PTBP3: variants seen among roughly 807,000 people sequenced by gnomAD.
PTBP3 encodes the protein polypyrimidine tract binding protein 3.
Under a neutral mutation model 58.7 loss-of-function variants are expected in PTBP3, and 20 were observed. That is an observed-to-expected ratio of 0.34 (90% CI 0.24 to 0.50). The LOEUF (loss-of-function observed/expected upper bound fraction) is 0.50, where lower values mean the gene tolerates loss of function less well. Ranked by LOEUF, PTBP3 falls within the 20% of genes least tolerant of loss-of-function variation. The pLI, the probability that PTBP3 is intolerant of heterozygous loss-of-function variation, is 0.98. For missense variants in PTBP3, 509 were observed against 637.2 expected (o/e 0.80, Z 2.17); for synonymous variants, 185 against 219.8 (o/e 0.84, Z 1.40).
At chr9:112,288,044 T>C (rs1206001840) in intron 2 of PTBP3, among the ~76,000 whole-genome samples, 1 of 152,244 alleles carries the variant, frequency 6.6e-6, no homozygotes, top group African/African-American at 2.4e-5. Flanking sequence ...TTTAAAGTGT[T>C]AGACTTCATT....
chr9:112,276,557 A>C (rs1827619226), intron 2 of PTBP3, among the ~76,000 whole-genome samples: 1 of 151,996 alleles, frequency 6.6e-6, no homozygotes, highest in African/African-American at 2.4e-5. Context: ...TTCCTATGAT[A>C]ATCTTATTCC....
the PTBP3 span, among the ~76,000 whole-genome samples, chr9:112,363,913 T>C: frequency 1.3e-5 from 2 of 152,190 alleles, no homozygotes; most frequent in Non-Finnish European, 2.9e-5. Context: ...TTTTGACAAA[T>C]ATATAATGAC....
At chr9:112,311,908 C>T (rs1335580098) in intron 1 of PTBP3, among the ~76,000 whole-genome samples, 1 of 152,110 alleles carries the variant, frequency 6.6e-6, no homozygotes, top group East Asian at 1.9e-4. Flanking sequence ...AGGATCGTGC[C>T]TGTGAGTAGC....
intron 4 of PTBP3, among the ~76,000 whole-genome samples, chr9:112,265,979 G>A (rs1836784234): frequency 6.6e-6 from 1 of 152,130 alleles, no homozygotes; most frequent in African/African-American, 2.4e-5. Flanking sequence ...TGGTGTACTA[G>A]ATCTTTCTGA....
chr9:112,376,554 TTAAG>T, the PTBP3 span, among the ~76,000 whole-genome samples: 1 of 151,952 alleles, frequency 6.6e-6, no homozygotes, highest in East Asian at 1.9e-4. Flanking sequence ...GCCCAGCCTA[TTAAG>T]TATTAACTCA....
chr9:112,378,141 C>G, the PTBP3 span, among the ~76,000 whole-genome samples: 2 of 152,168 alleles, frequency 1.3e-5, no homozygotes, highest in East Asian at 3.8e-4. Context: ...TAGCATTAAT[C>G]TAACACTAGG....
the PTBP3 span, among the ~76,000 whole-genome samples, chr9:112,352,279 T>C: frequency 2.3e-3 from 354 of 152,270 alleles, 2 homozygotes; most frequent in African/African-American, 8.2e-3. Context: ...GGAGTTCTCA[T>C]TGTTACTGGA....
intron 11 of PTBP3, 29 bp downstream of exon 11, chr9:112,228,347 ACATT>A (rs1433933522): frequency 1.4e-6 from 2 of 1,474,728 alleles, no homozygotes; most frequent in Non-Finnish European, 1.8e-6. Context: ...GGGCAAGTTC[ACATT>A]ATTATTAATA....
the PTBP3 span, among the ~76,000 whole-genome samples, chr9:112,367,341 T>C: frequency 2.0e-5 from 3 of 152,236 alleles, no homozygotes; most frequent in African/African-American, 7.2e-5. Context: ...TGTTAGCTAT[T>C]ATTCTTTTGT....
Position 112,220,573 on chromosome 9 carries a change from T to C in PTBP3, c.*3278A>G. On this transcript the variant is annotated 3_prime_UTR_variant, in exon 14 of 14. Transcript: ENST00000374257. ...AACTTTTAACAGTAAATCAGAAACA[T>C]TACTTCAAATAATTGATTTCAATAT... 1.0e-6 allele frequency: 1 copy of C among 1,003,732 alleles called. No homozygotes were observed. The highest frequency in any genetic ancestry group is 1.2e-6 in the Non-Finnish European group (1 of 840,626). 62.2% of individuals were successfully genotyped at this position (1,003,732 alleles called of 1,614,324 possible). A position where few individuals can be genotyped will look rare whatever the true frequency, so the allele number is the denominator to read the frequency against.
At chr9:112,311,640 A>C (rs2132390228) in intron 1 of PTBP3, among the ~76,000 whole-genome samples, 1 of 152,296 alleles carries the variant, frequency 6.6e-6, no homozygotes, top group Admixed American at 6.5e-5. Flanking sequence ...ATACTGAGGG[A>C]CAACTGTACT....
At chr9:112,243,298 T>C (rs1835736047) in intron 7 of PTBP3, among the ~76,000 whole-genome samples, 1 of 151,910 alleles carries the variant, frequency 6.6e-6, no homozygotes, top group Non-Finnish European at 1.5e-5. Context: ...ACCAGTATTT[T>C]GGGGGACCAA....
the PTBP3 span, among the ~76,000 whole-genome samples, chr9:112,354,182 G>A: frequency 2.0e-5 from 3 of 152,108 alleles, no homozygotes; most frequent in African/African-American, 7.2e-5. Flanking sequence ...GGGTATATCT[G>A]TTTTATGTTT....
At chr9:112,335,123 T>C (rs1314230325), upstream of PTBP3, among the ~76,000 whole-genome samples, 2 of 152,186 alleles carry the variant, frequency 1.3e-5, no homozygotes, top group African/African-American at 4.8e-5. Context: ...ACAAGTAATA[T>C]CAGCATAAAT....
At chr9:112,363,449 G>A in the PTBP3 span, among the ~76,000 whole-genome samples, 1 of 147,898 alleles carries the variant, frequency 6.8e-6, no homozygotes, top group East Asian at 2.0e-4. Context: ...AGCCCAGGAG[G>A]TTGAGGCTGC....
At chr9:112,295,771 A>G (rs948111006) in intron 2 of PTBP3, among the ~76,000 whole-genome samples, 12 of 152,240 alleles carry the variant, frequency 7.9e-5, no homozygotes, top group Admixed American at 5.9e-4. Context: ...ACATGGAATC[A>G]TAGGTCATAA....
intron 5 of PTBP3, among the ~76,000 whole-genome samples, chr9:112,257,940 CAAAAAA>C (rs56934009): frequency 8.4e-6 from 1 of 119,336 alleles, no homozygotes; most frequent in African/African-American, 2.7e-5. Context: ...GACTCCATCT[CAAAAAA>C]AAAAAAAAAA....
intron 7 of PTBP3, among the ~76,000 whole-genome samples, chr9:112,248,844 C>A (rs1043892551): frequency 1.3e-5 from 2 of 152,110 alleles, no homozygotes; most frequent in African/African-American, 4.8e-5. Context: ...CAAACTAAAA[C>A]AACCAAACTA....
chr9:112,322,285 A>C (rs1829986914), intron 1 of PTBP3, among the ~76,000 whole-genome samples: 1 of 152,164 alleles, frequency 6.6e-6, no homozygotes, highest in Admixed American at 6.6e-5. Context: ...TACTTAGTCC[A>C]ATCTAGGGAA....
Sources: allele counts gnomAD v4.1 joint callset (sites outside exome capture counted in the v4.1 genomes callset), GRCh38; gene constraint gnomAD v4.1.1; transcripts MANE v1.5; gene names NCBI Gene and HGNC (gene_info 2026-07-23, HGNC 2026-07-21).